Variants in KCNH7 observed in about 807,000 individuals in gnomAD.
The protein encoded by KCNH7 is potassium voltage-gated channel subfamily H member 7, also known as voltage-gated inwardly rectifying potassium channel KCNH7.
A neutral mutation model predicts 120.8 loss-of-function variants in KCNH7; 49 were observed. The ratio of observed to expected loss-of-function variants is 0.41; its 90% CI spans 0.32 to 0.51. The LOEUF (loss-of-function observed/expected upper bound fraction) is 0.51. Among genes scored for constraint, KCNH7 ranks in the 20% least tolerant of loss-of-function variants. The pLI is 0.38. For missense variants in KCNH7, 1,097 were observed against 1,446.6 expected, an observed-to-expected ratio of 0.76 and a Z score of 3.92; for synonymous variants, 547 against 516.1, an observed-to-expected ratio of 1.06 and a Z score of -0.81.
In KCNH7 at chr2:162,379,844, T is replaced by C. The variant is rs1686346507; in HGVS notation, c.3131+9A>G. ...GTTATGTTCTCCTTTTGCCCATCAC[T>C]GCTTATACCTGTTAAGTTGCTCCTG... On this transcript the variant is annotated intron_variant, in intron 14 of 15. Coordinates refer to ENST00000332142, the MANE Select transcript of KCNH7 (RefSeq NM_033272.4). The C allele has an allele frequency of 6.2e-7, 1 of 1,613,332 alleles. No homozygotes were observed. The highest frequency in any genetic ancestry group is 1.7e-5 in the Admixed American group (1 of 59,934).
intron 2 of KCNH7, among the ~76,000 whole-genome samples, chr2:162,776,139 C>T (rs528086412): frequency 1.3e-5 from 2 of 152,250 alleles, no homozygotes; most frequent in African/African-American, 2.4e-5. Context: ...ATTTATTTAG[C>T]AGGTATTTAT....
intron 2 of KCNH7, among the ~76,000 whole-genome samples, chr2:162,543,180 T>C (rs1201821365): frequency 6.6e-6 from 1 of 152,088 alleles, no homozygotes; most frequent in East Asian, 1.9e-4. Context: ...TATAGAAGCA[T>C]TATAAACAAA....
intron 2 of KCNH7, among the ~76,000 whole-genome samples, chr2:162,681,423 A>T (rs1559079241): frequency 6.6e-6 from 1 of 151,878 alleles, no homozygotes; most frequent in East Asian, 1.9e-4. Context: ...TGATGATTAC[A>T]CGAGGTGTTC....
chr2:162,502,980 T>C (rs991021575), intron 6 of KCNH7, among the ~76,000 whole-genome samples: 1 of 152,146 alleles, frequency 6.6e-6, no homozygotes, highest in Non-Finnish European at 1.5e-5. Context: ...TCTTAAATTC[T>C]GCATTTCCAG....
intron 6 of KCNH7, among the ~76,000 whole-genome samples, chr2:162,466,411 G>A (rs977791924): frequency 7.9e-5 from 12 of 152,054 alleles, no homozygotes; most frequent in African/African-American, 1.4e-4. Context: ...TACACATGGC[G>A]GCAGGACGGA....
chr2:162,655,867 A>C (rs1404001958), intron 2 of KCNH7, among the ~76,000 whole-genome samples: 1 of 152,186 alleles, frequency 6.6e-6, no homozygotes, highest in African/African-American at 2.4e-5. Flanking sequence ...ATAGTTCCTG[A>C]TACATCGATA....
chr2:162,669,275 A>G (rs1218268453), intron 2 of KCNH7, among the ~76,000 whole-genome samples: 1 of 152,184 alleles, frequency 6.6e-6, no homozygotes, highest in Non-Finnish European at 1.5e-5. Context: ...TAAAATGTAG[A>G]CTGACTTACA....
intron 6 of KCNH7, among the ~76,000 whole-genome samples, chr2:162,454,243 C>G (rs1476369706): frequency 6.6e-6 from 1 of 152,036 alleles, no homozygotes; most frequent in Non-Finnish European, 1.5e-5. Context: ...TCAGGTTTGT[C>G]GAATATCAGG....
chr2:162,424,789 C>T, intron 8 of KCNH7, among the ~76,000 whole-genome samples: 1 of 152,200 alleles, frequency 6.6e-6, no homozygotes, highest in Non-Finnish European at 1.5e-5. Flanking sequence ...CCATAGATAT[C>T]CCAAGTAAGA....
At chr2:162,665,407 T>C (rs1031668442) in intron 2 of KCNH7, among the ~76,000 whole-genome samples, 1 of 152,088 alleles carries the variant, frequency 6.6e-6, no homozygotes, top group Non-Finnish European at 1.5e-5. Flanking sequence ...TTTTAAAAAC[T>C]TACATAGACT....
At position 162,681,681 on chromosome 2, in the gene KCNH7, G is replaced by C. The variant is rs947971259; in HGVS notation, c.308-144601C>G. Among the ~76,000 whole-genome samples the C allele has an allele frequency of 1.1e-4, 17 of 151,594 alleles. 1 individual carries two copies. Among genetic ancestry groups the C allele is most frequent in the Admixed American group, 1.1e-3 (16 of 15,136 alleles). ...TGTTACAGGTTTTATAGTTTGTTTG[G>C]AGCCAATTTAAACTTAGATTTTAAA... On this transcript the variant is annotated intron_variant, in intron 2 of 15. Transcript: ENST00000332142.
At chr2:162,381,033 A>T (rs1037089793) in intron 13 of KCNH7, among the ~76,000 whole-genome samples, 13 of 152,258 alleles carry the variant, frequency 8.5e-5, no homozygotes, top group African/African-American at 3.1e-4. Flanking sequence ...AAGAATAATT[A>T]ACAGGTTGGA....
chr2:162,615,303 A>T (rs1295526752), intron 2 of KCNH7, among the ~76,000 whole-genome samples: 1 of 152,194 alleles, frequency 6.6e-6, no homozygotes, highest in Non-Finnish European at 1.5e-5. Flanking sequence ...TAACTACTGT[A>T]TGTTTTTCAT....
At chr2:162,824,399 G>T (rs2105600481) in intron 2 of KCNH7, among the ~76,000 whole-genome samples, 1 of 152,196 alleles carries the variant, frequency 6.6e-6, no homozygotes, top group Non-Finnish European at 1.5e-5. Context: ...TGGCATTTTT[G>T]TGTAGTCCTT....
At chr2:162,804,281 A>T (rs2105550218) in intron 2 of KCNH7, among the ~76,000 whole-genome samples, 1 of 151,926 alleles carries the variant, frequency 6.6e-6, no homozygotes, top group Non-Finnish European at 1.5e-5. Flanking sequence ...TAAGAAGAGA[A>T]GTCGTCAAAC....
intron 6 of KCNH7, among the ~76,000 whole-genome samples, chr2:162,488,646 T>C (rs1464754216): frequency 6.6e-6 from 1 of 152,122 alleles, no homozygotes; most frequent in African/African-American, 2.4e-5. Flanking sequence ...AATCCTACAC[T>C]CCCACCATAA....
chr2:162,619,114 T>C (rs1385722706), intron 2 of KCNH7, among the ~76,000 whole-genome samples: 1 of 152,136 alleles, frequency 6.6e-6, no homozygotes, highest in Non-Finnish European at 1.5e-5. Flanking sequence ...TTCATTGAAT[T>C]ACTTTTCATC....
intron 2 of KCNH7, among the ~76,000 whole-genome samples, chr2:162,786,267 A>G (rs1049716956): frequency 2.0e-5 from 3 of 146,420 alleles, no homozygotes; most frequent in Non-Finnish European, 4.5e-5. Context: ...AAAAAAAGCT[A>G]GTAGTATGAG....
At chr2:162,428,465 C>A (rs1374677986) in intron 8 of KCNH7, among the ~76,000 whole-genome samples, 2 of 151,792 alleles carry the variant, frequency 1.3e-5, no homozygotes, top group South Asian at 2.1e-4. Flanking sequence ...TATGGCTTGT[C>A]TACTGGTAAA....
Sources: allele counts gnomAD v4.1 joint callset (sites outside exome capture counted in the v4.1 genomes callset), GRCh38; gene constraint gnomAD v4.1.1; transcripts MANE v1.5; gene names NCBI Gene and HGNC (gene_info 2026-07-23, HGNC 2026-07-21).